Variants in GNAO1 observed in about 807,000 individuals in gnomAD.
GNAO1 encodes G protein subunit alpha o1.
For missense variants in GNAO1, 166 were observed against 478.7 expected (o/e 0.35, Z 6.10); for synonymous variants, 164 against 180.7 (o/e 0.91, Z 0.74).
At chr16:56,261,675 C>T (rs1051792581) in intron 2 of GNAO1, among the ~76,000 whole-genome samples, 4 of 151,956 alleles carry the variant, frequency 2.6e-5, no homozygotes, top group Admixed American at 2.6e-4. Flanking sequence ...CCCCGAAATG[C>T]CCAAAAGAGA....
intron 6 of GNAO1, chr16:56,345,811 C>T (rs539817021): frequency 2.6e-5 from 26 of 985,548 alleles, no homozygotes; most frequent in African/African-American, 2.3e-4. Context: ...CCAGTTGTTC[C>T]GCTTACTCTG....
chr16:56,313,103 C>G (rs1402768367), intron 3 of GNAO1, among the ~76,000 whole-genome samples: 2 of 152,160 alleles, frequency 1.3e-5, no homozygotes, highest in African/African-American at 4.8e-5. Flanking sequence ...CTTCACTTAT[C>G]ATAGGGATAT....
intron 3 of GNAO1, among the ~76,000 whole-genome samples, chr16:56,323,434 T>C (rs1310180143): frequency 2.6e-5 from 4 of 152,206 alleles, no homozygotes; most frequent in Non-Finnish European, 5.9e-5. Flanking sequence ...TAGGCTGTTT[T>C]TGGATCACTA....
intron 3 of GNAO1, among the ~76,000 whole-genome samples, chr16:56,312,296 GA>G (rs1567479133): frequency 6.6e-6 from 1 of 152,236 alleles, no homozygotes; most frequent in South Asian, 2.1e-4. Flanking sequence ...CGGTTTGTCT[GA>G]GTATAAAATG....
chr16:56,258,635 A>G (rs1403414313), intron 2 of GNAO1, among the ~76,000 whole-genome samples: 1 of 152,254 alleles, frequency 6.6e-6, no homozygotes, highest in Non-Finnish European at 1.5e-5. Context: ...GTTCCCCAGC[A>G]GCTTCCCTGT....
intron 2 of GNAO1, among the ~76,000 whole-genome samples, chr16:56,231,660 A>T (rs2036589627): frequency 6.6e-6 from 1 of 152,154 alleles, no homozygotes. Context: ...GAACCACTTA[A>T]ATAAATCTGA....
At chr16:56,338,102 C>G (rs547355550) in intron 6 of GNAO1, among the ~76,000 whole-genome samples, 20 of 152,170 alleles carry the variant, frequency 1.3e-4, no homozygotes, top group Non-Finnish European at 2.6e-4. Context: ...ATGGGATCAA[C>G]TTTGGGGTGT....
intron 3 of GNAO1, among the ~76,000 whole-genome samples, chr16:56,280,248 A>G (rs1185671613): frequency 2.0e-5 from 3 of 152,186 alleles, no homozygotes; most frequent in Non-Finnish European, 4.4e-5. Context: ...TGAAGATGGA[A>G]CTGTCCCTGA....
At chr16:56,261,679 A>G (rs2036904846) in intron 2 of GNAO1, among the ~76,000 whole-genome samples, 1 of 152,068 alleles carries the variant, frequency 6.6e-6, no homozygotes, top group African/African-American at 2.4e-5. Flanking sequence ...GAAATGCCCA[A>G]AAGAGAAAAT....
chr16:56,218,356 G>T (rs1165298853), intron 2 of GNAO1, among the ~76,000 whole-genome samples: 2 of 152,174 alleles, frequency 1.3e-5, no homozygotes, highest in Admixed American at 6.5e-5. Context: ...TCACCCACCA[G>T]TCTTTTGGTT....
intron 6 of GNAO1, chr16:56,345,558 C>T (rs1220856257): frequency 3.3e-5 from 33 of 985,334 alleles, no homozygotes; most frequent in Admixed American, 6.1e-5. Context: ...CTGCAGGGAC[C>T]GGTGCCTGGG....
At chr16:56,328,112 A>T (rs2037653791) in intron 3 of GNAO1, among the ~76,000 whole-genome samples, 1 of 152,162 alleles carries the variant, frequency 6.6e-6, no homozygotes, top group African/African-American at 2.4e-5. Context: ...GGAATTCTCT[A>T]CCGAAACGTC....
intron 3 of GNAO1, among the ~76,000 whole-genome samples, chr16:56,299,256 C>G (rs1282407449): frequency 6.6e-6 from 1 of 152,248 alleles, no homozygotes; most frequent in African/African-American, 2.4e-5. Context: ...GCTGGGTTAG[C>G]TAGCCTTCCT....
intron 2 of GNAO1, among the ~76,000 whole-genome samples, chr16:56,217,597 G>A (rs1385543898): frequency 1.3e-5 from 2 of 152,160 alleles, no homozygotes; most frequent in Non-Finnish European, 2.9e-5. Context: ...TGAGGCCCTG[G>A]GTAAGGGGGT....
chr16:56,321,642 C>T (rs1318520000), intron 3 of GNAO1, among the ~76,000 whole-genome samples: 1 of 152,130 alleles, frequency 6.6e-6, no homozygotes, highest in Non-Finnish European at 1.5e-5. Context: ...GAGAAGGGTG[C>T]TTCACTTCTG....
At chr16:56,202,066 A>G (rs555360131) in intron 2 of GNAO1, among the ~76,000 whole-genome samples, 2 of 152,304 alleles carry the variant, frequency 1.3e-5, no homozygotes, top group East Asian at 3.9e-4. Context: ...CCAGGAAATG[A>G]GAATAATTTA....
At chr16:56,270,335 G>C (rs1024961366) in intron 2 of GNAO1, 14 of 152,220 alleles carry the variant, frequency 9.2e-5, no homozygotes, top group African/African-American at 3.4e-4. Context: ...TGAGTTTTGG[G>C]TGGACATGAA....
chr16:56,254,809 A>G (rs746931226), intron 2 of GNAO1, among the ~76,000 whole-genome samples: 2 of 152,080 alleles, frequency 1.3e-5, no homozygotes, highest in East Asian at 1.9e-4. Flanking sequence ...CTATGTTCCC[A>G]TAGAGAACAC....
intron 2 of GNAO1, among the ~76,000 whole-genome samples, chr16:56,255,284 C>T (rs1245336089): frequency 6.6e-6 from 1 of 152,134 alleles, no homozygotes; most frequent in Admixed American, 6.5e-5. Flanking sequence ...TTCCCCAGGT[C>T]AAGGAAAAAT....
Sources: allele counts gnomAD v4.1 joint callset (sites outside exome capture counted in the v4.1 genomes callset), GRCh38; gene constraint gnomAD v4.1.1; transcripts MANE v1.5; gene names NCBI Gene and HGNC (gene_info 2026-07-23, HGNC 2026-07-21).